Variants in NKAIN3 observed in about 807,000 individuals in gnomAD.
NKAIN3 encodes sodium/potassium-transporting ATPase subunit beta-1-interacting protein 3.
A neutral mutation model predicts 30.2 loss-of-function variants in NKAIN3; 25 were observed. The ratio of observed to expected loss-of-function variants is 0.83; its 90% CI spans 0.60 to 1.16. NKAIN3 has a LOEUF of 1.16. NKAIN3 is among the 50% of genes most tolerant of loss of function. The probability of loss-of-function intolerance (pLI) is 0.00; values close to 1 mark genes in which losing one functional copy is unlikely to be tolerated. For missense variants in NKAIN3, 225 were observed against 254.1 expected, an observed-to-expected ratio of 0.89 and a Z score of 0.78; for synonymous variants, 91 against 89.6, an observed-to-expected ratio of 1.02 and a Z score of -0.09.
chr8:62,547,229 G>A (rs1384173600), intron 1 of NKAIN3, among the ~76,000 whole-genome samples: 2 of 150,244 alleles, frequency 1.3e-5, no homozygotes, highest in African/African-American at 4.9e-5. Flanking sequence ...TTAGCATCAT[G>A]GTGATTTCAA....
chr8:62,464,029 A>C (rs1406155646), intron 1 of NKAIN3, among the ~76,000 whole-genome samples: 3 of 152,184 alleles, frequency 2.0e-5, no homozygotes, highest in Non-Finnish European at 2.9e-5. Flanking sequence ...GAGGACTTCC[A>C]TGGGAAACCT....
chr8:62,405,851 G>A (rs566765066), intron 1 of NKAIN3, among the ~76,000 whole-genome samples: 2 of 152,226 alleles, frequency 1.3e-5, no homozygotes, highest in Non-Finnish European at 2.9e-5. Context: ...ACATTCAAGT[G>A]TTCTTCATGA....
At chr8:62,543,351 C>G (rs1452935496) in intron 1 of NKAIN3, among the ~76,000 whole-genome samples, 1 of 152,108 alleles carries the variant, frequency 6.6e-6, no homozygotes, top group Admixed American at 6.5e-5. Context: ...CATTCATTTC[C>G]CTTCCATGCC....
At chr8:62,529,351 T>C (rs1447723895) in intron 1 of NKAIN3, among the ~76,000 whole-genome samples, 1 of 152,202 alleles carries the variant, frequency 6.6e-6, no homozygotes, top group East Asian at 1.9e-4. Context: ...CTGCTTTTCA[T>C]TATGCTTGTT....
chr8:62,579,496 A>C, intron 1 of NKAIN3, 43 bp from the exon 2 acceptor site: 1 of 1,507,984 alleles, frequency 6.6e-7, no homozygotes, highest in African/African-American at 1.4e-5. Flanking sequence ...TAGTATGATG[A>C]TGCTTGGATT....
rs1195645459 is a variant in NKAIN3 at position 62,969,289 on chromosome 8, T to C, written c.*3882T>C. 1.3e-5 allele frequency among the ~76,000 whole-genome samples: 2 copies of C among 152,208 alleles called. No individual in the cohort carries two copies. The highest frequency in any genetic ancestry group is 3.8e-4 in the East Asian group (2 of 5,200). Reference sequence around the variant, plus strand: ...GCTGTCATCTGTCTCACTTAATGAATGGGAAACTCCTGATTGAGAAGAATT... The same window carrying C: ...GCTGTCATCTGTCTCACTTAATGAACGGGAAACTCCTGATTGAGAAGAATT... On this transcript the variant is annotated 3_prime_UTR_variant, in exon 7 of 7. Coordinates refer to ENST00000623646, the MANE Select transcript of NKAIN3 (RefSeq NM_001304533.3).
At chr8:62,865,870 C>T (rs779547777) in intron 4 of NKAIN3, among the ~76,000 whole-genome samples, 5 of 152,078 alleles carry the variant, frequency 3.3e-5, no homozygotes, top group Non-Finnish European at 5.9e-5. Context: ...GTCTTGAGTT[C>T]TATGTAGCAT....
Position 62,965,574 on chromosome 8 carries a change from G to A in NKAIN3, c.*167G>A. 4.1e-6 allele frequency: 4 copies of A among 982,300 alleles called. No individual in the cohort carries two copies. Among genetic ancestry groups the A allele is most frequent in the Non-Finnish European group, 4.8e-6 (4 of 828,784 alleles). The allele number at this position is 982,300 out of a possible 1,614,324, so 60.8% of individuals were successfully genotyped here. ...TAGATGAGTTCTAGGTGCTTGGGTGGGTATTTTTTTAGTCGTTTTCTTCTT... is the reference window on the plus strand; with the variant it reads ...TAGATGAGTTCTAGGTGCTTGGGTGAGTATTTTTTTAGTCGTTTTCTTCTT... On this transcript the variant is annotated 3_prime_UTR_variant, in exon 7 of 7. Transcript: ENST00000623646.
At chr8:62,422,435 T>C (rs1284794265) in intron 1 of NKAIN3, among the ~76,000 whole-genome samples, 1 of 152,154 alleles carries the variant, frequency 6.6e-6, no homozygotes, top group Non-Finnish European at 1.5e-5. Context: ...CTAATAACTT[T>C]GAGAAGAGTT....
chr8:62,919,808 C>T lies in NKAIN3; in HGVS notation c.532+1295C>T, dbSNP rs537037582. ...AATCCAGAATCTGATGGGGTCTTGT[C>T]TCAATTTATTTGACCAAACCTCAGA... is the stretch of plus-strand genomic sequence containing the variant. On this transcript the variant is annotated intron_variant, in intron 5 of 6. Coordinates refer to ENST00000623646, the MANE Select transcript of NKAIN3 (RefSeq NM_001304533.3). Among the ~76,000 whole-genome samples, 26 of 151,984 alleles carry T rather than the reference C, an allele frequency of 1.7e-4. No individual in the cohort carries two copies. In the East Asian group the frequency reaches 4.7e-3, roughly 27 times the overall value.
At chr8:62,460,219 C>T (rs1232613915) in intron 1 of NKAIN3, among the ~76,000 whole-genome samples, 1 of 151,944 alleles carries the variant, frequency 6.6e-6, no homozygotes, top group Non-Finnish European at 1.5e-5. Context: ...CGAGACCAGC[C>T]TGGCTAACAT....
chr8:62,515,399 T>A (rs1029110908), intron 1 of NKAIN3, among the ~76,000 whole-genome samples: 13 of 152,228 alleles, frequency 8.5e-5, no homozygotes, highest in African/African-American at 3.1e-4. Flanking sequence ...TTCTCCTCCT[T>A]TCCTAAATTG....
At chr8:62,304,660 A>ACTGACCT (rs1814166780) in intron 1 of NKAIN3, among the ~76,000 whole-genome samples, 1 of 150,198 alleles carries the variant, frequency 6.7e-6, no homozygotes, top group African/African-American at 2.5e-5. Context: ...CCTGTTACTA[A>ACTGACCT]CTGACCTTGT....
intron 6 of NKAIN3, among the ~76,000 whole-genome samples, chr8:62,958,219 T>C (rs1823476620): frequency 1.3e-5 from 2 of 151,788 alleles, no homozygotes; most frequent in Non-Finnish European, 1.5e-5. Context: ...AGAGCAGGTG[T>C]CTTGACAGCT....
chr8:62,708,931 AG>A (rs1373610917), intron 3 of NKAIN3, among the ~76,000 whole-genome samples: 6 of 152,174 alleles, frequency 3.9e-5, no homozygotes, highest in African/African-American at 7.2e-5. Flanking sequence ...ATAATCATAA[AG>A]GGATGCTGGA....
intron 4 of NKAIN3, among the ~76,000 whole-genome samples, chr8:62,907,624 G>A (rs1329331946): frequency 6.6e-6 from 1 of 152,214 alleles, no homozygotes; most frequent in Non-Finnish European, 1.5e-5. Flanking sequence ...CTGCATCCCA[G>A]TTGTGGCTAA....
chr8:62,618,424 C>T (rs1673952349), intron 3 of NKAIN3, among the ~76,000 whole-genome samples: 1 of 152,124 alleles, frequency 6.6e-6, no homozygotes, highest in Admixed American at 6.5e-5. Context: ...AGTGGAATCA[C>T]AAAGTCAAGC....
intron 1 of NKAIN3, among the ~76,000 whole-genome samples, chr8:62,295,200 A>G (rs1585646814): frequency 1.3e-5 from 2 of 152,270 alleles, no homozygotes; most frequent in South Asian, 2.1e-4. Context: ...TACCAAATCA[A>G]CATGTGGATA....
intron 4 of NKAIN3, among the ~76,000 whole-genome samples, chr8:62,793,289 G>C (rs995388194): frequency 1.3e-5 from 2 of 152,004 alleles, no homozygotes; most frequent in African/African-American, 4.8e-5. Context: ...TAGCTTGCTG[G>C]TTTTTTTGTA....
Sources: allele counts gnomAD v4.1 joint callset (sites outside exome capture counted in the v4.1 genomes callset), GRCh38; gene constraint gnomAD v4.1.1; transcripts MANE v1.5; gene names NCBI Gene and HGNC (gene_info 2026-07-23, HGNC 2026-07-21).